The following TRIP11 variants were observed in gnomAD, a reference collection of about 807,000 sequenced individuals.
TRIP11 encodes thyroid receptor-interacting protein 11.
A neutral mutation model predicts 223.1 loss-of-function variants in TRIP11; 148 were observed. The ratio of observed to expected loss-of-function variants is 0.66; its 90% CI spans 0.58 to 0.76. The LOEUF is 0.76. Ranked by LOEUF, TRIP11 falls within the 30% of genes least tolerant of loss-of-function variation. The pLI is 0.00. For missense variants in TRIP11, 2,043 were observed against 2,222.0 expected, an observed-to-expected ratio of 0.92 and a Z score of 1.62; for synonymous variants, 762 against 772.6, an observed-to-expected ratio of 0.99 and a Z score of 0.23.
chr14:91,993,961 G>A, intron 14 of TRIP11, 49 bp from the exon 15 acceptor site: 1 of 1,403,470 alleles, frequency 7.1e-7, no homozygotes, highest in African/African-American at 1.4e-5. Context: ...CGTGTGTTAA[G>A]TTAGAATGTT....
intron 3 of TRIP11, among the ~76,000 whole-genome samples, chr14:92,022,742 C>T (rs867412477): frequency 6.6e-6 from 1 of 152,192 alleles, no homozygotes; most frequent in Non-Finnish European, 1.5e-5. Flanking sequence ...AGACAGCCAA[C>T]AAGTAACAGT....
chr14:92,034,358 G>A (rs144635142), intron 1 of TRIP11, among the ~76,000 whole-genome samples: 1,956 of 151,842 alleles, frequency 0.013, 28 homozygotes, highest in African/African-American at 0.044. Context: ...GGGAGGTGGA[G>A]GTTGCAGTGA....
In TRIP11 at chr14:92,014,543, T is replaced by G; in HGVS notation, c.858A>C (p.Lys286Asn). 6.2e-7 allele frequency: 1 copy of G among 1,602,656 alleles called. No homozygotes were observed. Among genetic ancestry groups the G allele is most frequent in the Admixed American group, 1.7e-5 (1 of 58,208 alleles). Residue 286 changes from lysine to asparagine, a missense_variant, in exon 7 of 21, where the codon AAA becomes AAC. Transcript: ENST00000267622. ...GAATAGTTTTTTGCATCTCATAGAT[T>G]TTAGAGAGATCAGTTTCTATAACTC... is the stretch of plus-strand genomic sequence containing the variant. Reference protein sequence around the residue: ...GSGVIETDLSKIYEMQKTIQV... With the variant: ...GSGVIETDLSNIYEMQKTIQV...
In TRIP11 at chr14:91,969,566, G is replaced by T; in HGVS notation, c.*107C>A. The T allele has an allele frequency of 9.0e-7, 1 of 1,108,820 alleles. No individual in the cohort carries two copies. Among genetic ancestry groups the T allele is most frequent in the Non-Finnish European group, 1.4e-6 (1 of 730,150 alleles). The allele number at this position is 1,108,820 out of a possible 1,614,324, so 68.7% of individuals were successfully genotyped here. On this transcript the variant is annotated 3_prime_UTR_variant, in exon 21 of 21. Coordinates refer to ENST00000267622, the MANE Select transcript of TRIP11 (RefSeq NM_004239.4). ...TTAAATTCAGAGAAAGCATAATTGC[G>T]AACAAATACATGACTTTCTCCCCAA...
chr14:91,996,147 T>C (rs753159732), intron 13 of TRIP11, among the ~76,000 whole-genome samples: 2 of 152,176 alleles, frequency 1.3e-5, no homozygotes, highest in African/African-American at 2.4e-5. Flanking sequence ...ACCCATTAAA[T>C]AGTAATTCCC....
chr14:92,031,603 T>C (rs1194431585), intron 2 of TRIP11, among the ~76,000 whole-genome samples: 1 of 151,988 alleles, frequency 6.6e-6, no homozygotes, highest in Non-Finnish European at 1.5e-5. Context: ...CGAAAAGAAC[T>C]AGAAGTAATA....
Position 92,009,294 on chromosome 14 carries a change from A to G in TRIP11, c.1315-1442T>C, listed in dbSNP as rs141167534. ...AGCAATCATCCCACCTTGGCCTCCC[A>G]AAGTGCTGAGATTACAGCGTGAGCC... On this transcript the variant is annotated intron_variant, in intron 9 of 20. Transcript: ENST00000267622. Among the ~76,000 whole-genome samples, 13 of 152,284 alleles carry G rather than the reference A, an allele frequency of 8.5e-5. 1 individual carries two copies. The highest frequency in any genetic ancestry group is 2.1e-4 in the South Asian group (1 of 4,820).
rs76044108 is a variant in TRIP11 at position 91,978,545 on chromosome 14, T to A, written c.5261-2356A>T. Among the ~76,000 whole-genome samples the A allele has an allele frequency of 0.16, 24,127 of 152,150 alleles. 2,525 individuals are homozygous for A. Among genetic ancestry groups the A allele is most frequent in the African/African-American group, 0.3 (12,455 of 41,450 alleles). The stretch of plus-strand genomic sequence containing the variant: ...TATTTGAGACAGGGTCTTGCTCTGT[T>A]GCCCAGGCTGTGGCATGATCACAGC... On this transcript the variant is annotated intron_variant, in intron 16 of 20. Coordinates refer to ENST00000267622, the MANE Select transcript of TRIP11 (RefSeq NM_004239.4). This position sits in a 1 kb window ranked among gnomAD's most constrained non-coding sequence, Gnocchi z 4.4.
rs2140119469 is a variant in TRIP11, at chr14:92,005,964, ACTTT to A, written c.2008_2011del (p.Lys670LeufsTer12). The A allele has an allele frequency of 1.2e-6, 2 of 1,612,594 alleles. No individual in the cohort carries two copies. Among genetic ancestry groups the A allele is most frequent in the Admixed American group, 1.7e-5 (1 of 59,762 alleles). ...ATTTTCCATTTTGACATCAAAAGCA[ACTTT>A]CTTTAAATTTTCATTGAGCTGTTCT... On this transcript the variant is annotated frameshift_variant, in exon 11 of 21. Transcript: ENST00000267622. LOFTEE classifies it high-confidence loss of function.
intron 1 of TRIP11, among the ~76,000 whole-genome samples, chr14:92,038,338 T>C (rs1467952665): frequency 6.6e-6 from 1 of 152,122 alleles, no homozygotes; most frequent in Non-Finnish European, 1.5e-5. Context: ...CGACCAGTCA[T>C]TTCCCATAGT....
chr14:92,009,064 C>G (rs1354164179), intron 9 of TRIP11, among the ~76,000 whole-genome samples: 1 of 152,160 alleles, frequency 6.6e-6, no homozygotes, highest in African/African-American at 2.4e-5. Flanking sequence ...TTTATTCTAA[C>G]TACAGCTGAA....
chr14:92,001,861 T>A (rs1176042079), intron 11 of TRIP11, among the ~76,000 whole-genome samples: 1 of 152,148 alleles, frequency 6.6e-6, no homozygotes, highest in African/African-American at 2.4e-5. Flanking sequence ...CCAGTACCAT[T>A]AAAGCTAAGA....
At chr14:91,980,367 G>A (rs763897526) in intron 16 of TRIP11, among the ~76,000 whole-genome samples, 1 of 152,176 alleles carries the variant, frequency 6.6e-6, no homozygotes, top group Non-Finnish European at 1.5e-5. Flanking sequence ...ATCCAAGTCA[G>A]ATTTACTGAA....
chr14:92,010,582 T>C (rs910022074), intron 9 of TRIP11, among the ~76,000 whole-genome samples: 3 of 152,076 alleles, frequency 2.0e-5, no homozygotes, highest in African/African-American at 7.2e-5. Context: ...TTGCTCTTTA[T>C]GCCTCACCAC....
chr14:91,995,215 G>T, intron 14 of TRIP11, 137 bp downstream of exon 14: 2 of 903,400 alleles, frequency 2.2e-6, no homozygotes, highest in South Asian at 3.0e-5. Context: ...CTTTTTGATG[G>T]CTACTCACCC....
Position 92,021,521 on chromosome 14 carries a change from A to G in TRIP11, c.588+35T>C, listed in dbSNP as rs201783026. The G allele has an allele frequency of 1.8e-4, 296 of 1,610,960 alleles. 3 individuals are homozygous for G. In the East Asian group the frequency reaches 6.3e-3, roughly 34 times the overall value. On this transcript the variant is annotated intron_variant, in intron 4 of 20. Transcript: ENST00000267622. Reference sequence around the variant, plus strand: ...TTATATTACACCAGTAATTTTACTCAAAGTTTTCAAAAACTCTAAAAAATT... The same window carrying G: ...TTATATTACACCAGTAATTTTACTCGAAGTTTTCAAAAACTCTAAAAAATT...
chr14:92,014,631 C>A, intron 6 of TRIP11, 54 bp from the exon 7 acceptor site: 1 of 1,558,690 alleles, frequency 6.4e-7, no homozygotes, highest in Admixed American at 1.9e-5. Context: ...AAGAAATAAA[C>A]GGTTTGCTAT....
chr14:92,010,298 A>C (rs1024173280), intron 9 of TRIP11, among the ~76,000 whole-genome samples: 3 of 152,146 alleles, frequency 2.0e-5, no homozygotes, highest in Non-Finnish European at 4.4e-5. Context: ...TGGGAGGCCG[A>C]GGTGGGCAGA....
rs778777772 is a variant in TRIP11, at chr14:92,004,991, T to C, written c.2985A>G (p.Gln995=). ...TATTAAGGCTCTGAACTTTTGTTTCTTGAAAAATATCAGAGTTATCTGTTT... is the reference window on the plus strand; with the variant it reads ...TATTAAGGCTCTGAACTTTTGTTTCCTGAAAAATATCAGAGTTATCTGTTT... ...DIQTDNSDIF[Q]ETKVQSLNIE... Residue 995 remains glutamine, a synonymous_variant, in exon 11 of 21, where the codon CAA becomes CAG. Coordinates refer to ENST00000267622, the MANE Select transcript of TRIP11 (RefSeq NM_004239.4). 44 of 1,613,648 alleles carry C rather than the reference T, an allele frequency of 2.7e-5. No individual in the cohort carries two copies. The highest frequency in any genetic ancestry group is 3.7e-5 in the Non-Finnish European group (44 of 1,179,976).
Sources: gnomAD v4.1 joint callset for allele counts (sites outside exome capture counted in the v4.1 genomes callset) on GRCh38, gnomAD v4.1.1 for gene constraint, Gnocchi (gnomAD v3.1) non-coding constraint, MANE v1.5 for transcripts, NCBI Gene and HGNC (gene_info 2026-07-23, HGNC 2026-07-21) for gene names.